The following EIF3H variants were observed in gnomAD, a reference collection of about 807,000 sequenced individuals.
EIF3H encodes the protein eukaryotic translation initiation factor 3 subunit H, also known as eIF-3-gamma.
EIF3H carries 26 observed loss-of-function variants against 44.2 expected under a neutral mutation model. The observed-to-expected ratio is 0.59, with a 90% CI of 0.43 to 0.82. The LOEUF is 0.82. EIF3H is among the 40% of genes least tolerant of loss of function. The pLI, the probability that EIF3H is intolerant of heterozygous loss-of-function variation, is 0.00. For synonymous variants in EIF3H, 166 were observed against 151.9 expected, an observed-to-expected ratio of 1.09 and a Z score of -0.68; for missense variants, 359 against 432.8, an observed-to-expected ratio of 0.83 and a Z score of 1.51.
chr8:116,703,569 A>G (rs572217795), intron 2 of EIF3H, among the ~76,000 whole-genome samples: 1 of 152,296 alleles, frequency 6.6e-6, no homozygotes, highest in Admixed American at 6.5e-5. Flanking sequence ...TGAGAGTACT[A>G]AAGTCTTTAA....
At position 116,648,794 on chromosome 8, in the gene EIF3H, C is replaced by G; in HGVS notation, c.828+12G>C. The stretch of plus-strand genomic sequence containing the variant: ...GAAATAGCTGTTTGTTGAATTTTTC[C>G]ACAATACCAACCTGATGTTTCTGCT... On this transcript the variant is annotated intron_variant, in intron 6 of 7. Coordinates refer to ENST00000521861, the MANE Select transcript of EIF3H (RefSeq NM_003756.3). 1 of 1,555,580 alleles carries G rather than the reference C, an allele frequency of 6.4e-7. No homozygotes were observed.
chr8:116,696,771 G>T (rs2047559819), intron 2 of EIF3H, among the ~76,000 whole-genome samples: 1 of 151,998 alleles, frequency 6.6e-6, no homozygotes, highest in South Asian at 2.1e-4. Flanking sequence ...CCTGTATCAT[G>T]CTTAGTCTTC....
chr8:116,664,042 G>A lies in EIF3H; in HGVS notation c.290-5062C>T, dbSNP rs532443126. Among the ~76,000 whole-genome samples the A allele has an allele frequency of 3.9e-5, 6 of 152,106 alleles. No individual in the cohort carries two copies. The South Asian group carries it at 8.3e-4, about 21-fold the overall frequency. ...TGAGCTCGTGCCGCAAAATTTGGAAGGATTATAAAAACGAGAAGTTTTATA... is the reference window on the plus strand; with the variant it reads ...TGAGCTCGTGCCGCAAAATTTGGAAAGATTATAAAAACGAGAAGTTTTATA... On this transcript the variant is annotated intron_variant, in intron 2 of 7. Transcript: ENST00000521861.
upstream of EIF3H, among the ~76,000 whole-genome samples, chr8:116,759,231 T>A (rs572487991): frequency 1.4e-4 from 21 of 152,228 alleles, no homozygotes; most frequent in Non-Finnish European, 2.1e-4. Flanking sequence ...ACTTCTCCAA[T>A]TGCTGGAAAT....
chr8:116,733,920 G>A (rs1043063579), intron 1 of EIF3H, among the ~76,000 whole-genome samples: 1 of 152,090 alleles, frequency 6.6e-6, no homozygotes, highest in African/African-American at 2.4e-5. Context: ...TAATCCAGGA[G>A]AGGAGAAACA....
rs573554277 is a variant in EIF3H at position 116,749,074 on chromosome 8, A to G, written c.132+6592T>C. On this transcript the variant is annotated intron_variant, in intron 1 of 7. Transcript: ENST00000521861. Reference sequence around the variant, plus strand: ...TAACATACTCTACCTTACTTACAAAACCAGGGGAATAAGGTATCTAATAAG... The same window carrying G: ...TAACATACTCTACCTTACTTACAAAGCCAGGGGAATAAGGTATCTAATAAG... 7.1e-4 allele frequency among the ~76,000 whole-genome samples: 108 copies of G among 152,302 alleles called. 1 individual carries two copies. Among genetic ancestry groups the G allele is most frequent in the African/African-American group, 2.4e-3 (98 of 41,570 alleles).
At chr8:116,659,449 A>G (rs895267955) in intron 2 of EIF3H, among the ~76,000 whole-genome samples, 3 of 152,208 alleles carry the variant, frequency 2.0e-5, no homozygotes, top group Non-Finnish European at 4.4e-5. Context: ...CTAAGGAGAA[A>G]CAACTACCAA....
chr8:116,658,702 G>C (rs1453815095), intron 3 of EIF3H, 111 bp downstream of exon 3: 2 of 999,338 alleles, frequency 2.0e-6, no homozygotes, highest in African/African-American at 3.3e-5. Flanking sequence ...AAACAGGGTT[G>C]GTATTTACTT....
chr8:116,667,482 T>TA (rs1813689939), intron 2 of EIF3H, among the ~76,000 whole-genome samples: 7 of 148,756 alleles, frequency 4.7e-5, no homozygotes, highest in Admixed American at 1.3e-4. Context: ...AAAAAAAGAT[T>TA]AAGGGGCTAA....
chr8:116,738,750 T>G (rs1179276519), intron 1 of EIF3H, among the ~76,000 whole-genome samples: 1 of 152,218 alleles, frequency 6.6e-6, no homozygotes, highest in Admixed American at 6.5e-5. Context: ...CACCTATCAT[T>G]TTTAAGCCTG....
intron 1 of EIF3H, chr8:116,734,255 A>G (rs1050051434): frequency 8.8e-6 from 4 of 454,892 alleles, no homozygotes; most frequent in Non-Finnish European, 8.8e-6. Flanking sequence ...TGTAACAAGG[A>G]GGGGCAGGGA....
intron 1 of EIF3H, chr8:116,737,690 A>C (rs1815064807): frequency 6.5e-6 from 1 of 153,744 alleles, no homozygotes; most frequent in African/African-American, 2.4e-5. Flanking sequence ...TTTTAAAAAA[A>C]ATTAATAGTA....
exon 1 of EIF3H, chr8:116,765,616 C>A (rs769534876): frequency 4.6e-5 from 7 of 152,342 alleles, no homozygotes; most frequent in East Asian, 1.9e-4. Context: ...AACCTCCAGT[C>A]AGCTTTGTGC....
At chr8:116,689,618 T>C (rs1463861489) in intron 2 of EIF3H, among the ~76,000 whole-genome samples, 1 of 152,140 alleles carries the variant, frequency 6.6e-6, no homozygotes, top group African/African-American at 2.4e-5. Flanking sequence ...TAACAATTAA[T>C]TACAATTGAC....
intron 2 of EIF3H, among the ~76,000 whole-genome samples, chr8:116,682,472 C>G (rs574371133): frequency 6.6e-6 from 1 of 152,122 alleles, no homozygotes; most frequent in Non-Finnish European, 1.5e-5. Context: ...CTCCAAAAAC[C>G]TCTCAAAACC....
intron 2 of EIF3H, among the ~76,000 whole-genome samples, chr8:116,710,648 A>C (rs1814558484): frequency 6.6e-6 from 1 of 152,244 alleles, no homozygotes; most frequent in African/African-American, 2.4e-5. Flanking sequence ...ATATGTCTAC[A>C]AGTCACAACT....
At chr8:116,730,685 G>C (rs1277917806) in intron 1 of EIF3H, among the ~76,000 whole-genome samples, 1 of 152,108 alleles carries the variant, frequency 6.6e-6, no homozygotes, top group Non-Finnish European at 1.5e-5. Context: ...TGTGCTCATT[G>C]TTTCCCCTCG....
chr8:116,675,699 G>A (rs1269856051), intron 2 of EIF3H, among the ~76,000 whole-genome samples: 3 of 152,162 alleles, frequency 2.0e-5, no homozygotes, highest in Non-Finnish European at 4.4e-5. Flanking sequence ...ACTTTTGAGA[G>A]GGGATTATAA....
At chr8:116,714,533 G>A (rs1271820870) in intron 2 of EIF3H, among the ~76,000 whole-genome samples, 1 of 151,912 alleles carries the variant, frequency 6.6e-6, no homozygotes, top group Non-Finnish European at 1.5e-5. Flanking sequence ...AATTACAGTG[G>A]ACTAATTTTT....
Sources: gnomAD v4.1 joint callset for allele counts (sites outside exome capture counted in the v4.1 genomes callset) on GRCh38, gnomAD v4.1.1 for gene constraint, MANE v1.5 for transcripts, NCBI Gene and HGNC (gene_info 2026-07-23, HGNC 2026-07-21) for gene names.